The following CCDC97 variants were observed in gnomAD, a reference collection of about 807,000 sequenced individuals.
The protein encoded by CCDC97 is coiled-coil domain-containing protein 97.
In CCDC97, 27 loss-of-function variants were observed where a neutral mutation model predicts 33.9. The ratio of observed to expected loss-of-function variants is 0.80; its 90% CI spans 0.59 to 1.10. CCDC97 has a LOEUF of 1.10. Among genes scored for constraint, CCDC97 ranks in the 50% least tolerant of loss-of-function variants. The pLI, the probability that CCDC97 is intolerant of heterozygous loss-of-function variation, is 0.00. For missense variants in CCDC97, 422 were observed against 476.6 expected, an observed-to-expected ratio of 0.89 and a Z score of 1.07; for synonymous variants, 217 against 194.0, an observed-to-expected ratio of 1.12 and a Z score of -0.99.
chr19:41,317,195 T>A (rs189122271), intron 2 of CCDC97, among the ~76,000 whole-genome samples: 1 of 152,154 alleles, frequency 6.6e-6, no homozygotes, highest in African/African-American at 2.4e-5. Context: ...TACAGAGGCA[T>A]CAGGGGAAAC....
rs1175899750 is a variant in CCDC97, at chr19:41,322,964, T to A, written c.*249T>A. ...TTTCTTGGTGTCTGTCTGGGCTTCT[T>A]TCTGTCTCTTTCTGTCTTTCTGTCT... On this transcript the variant is annotated 3_prime_UTR_variant, in exon 5 of 5. Coordinates refer to ENST00000269967, the MANE Select transcript of CCDC97 (RefSeq NM_052848.3). 4 of 324,878 alleles carry A rather than the reference T, an allele frequency of 1.2e-5. No homozygotes were observed. The highest frequency in any genetic ancestry group is 2.3e-5 in the Non-Finnish European group (4 of 171,944). The allele number at this position is 324,878 out of a possible 1,614,324, so 20.1% of individuals were successfully genotyped here. A position where few individuals can be genotyped will look rare whatever the true frequency, so the allele number is the denominator to read the frequency against.
rs749828863 is a variant in CCDC97, at chr19:41,316,477, C to T, written c.140C>T (p.Thr47Ile). The change falls in exon 2 of 5, where the codon ACA becomes ATA. Residue 47 changes from threonine (T) to isoleucine (I), a missense_variant. Physicochemically the swap from Thr to Ile is moderately conservative, Grantham distance 89 (BLOSUM62 -1). Coordinates refer to ENST00000269967, the MANE Select transcript of CCDC97 (RefSeq NM_052848.3). ...GACAAAGTGGAAGCAGCTGAGGCAA[C>T]ACCAGTGGCCCTGGACAGTGACACC... The part of the protein sequence containing the change: ...PQDKVEAAEA[T>I]PVALDSDTSG... The T allele has an allele frequency of 6.2e-7, 1 of 1,614,256 alleles. No homozygotes were observed. Among genetic ancestry groups the T allele is most frequent in the African/African-American group, 1.3e-5 (1 of 75,078 alleles).
Position 41,322,842 on chromosome 19 carries a change from C to A in CCDC97, c.*127C>A. 9.1e-7 allele frequency: 1 copy of A among 1,096,692 alleles called. No homozygotes were observed. Among genetic ancestry groups the A allele is most frequent in the African/African-American group, 1.6e-5 (1 of 63,810 alleles). 67.9% of individuals were successfully genotyped at this position (1,096,692 alleles called of 1,614,324 possible). Reference sequence around the variant, plus strand: ...GTGCCCCACAACCCACACACACCACCATCTCACTGGGTCTAGTCTCATCTC... The same window carrying A: ...GTGCCCCACAACCCACACACACCACAATCTCACTGGGTCTAGTCTCATCTC... On this transcript the variant is annotated 3_prime_UTR_variant, in exon 5 of 5. Transcript: ENST00000269967.
At position 41,319,121 on chromosome 19, in the gene CCDC97, T is replaced by C. The variant is rs75994796; in HGVS notation, c.503-453T>C. The stretch of plus-strand genomic sequence containing the variant: ...CTTGTGCATCGTGCCTGGACACAGT[T>C]GTACACGAGCTCCAGACCGTCAGAG... On this transcript the variant is annotated intron_variant, in intron 2 of 4. Transcript: ENST00000269967. Among the ~76,000 whole-genome samples the C allele has an allele frequency of 3.6e-3, 554 of 152,242 alleles. 4 individuals are homozygous for C. Among genetic ancestry groups the C allele is most frequent in the African/African-American group, 0.013 (531 of 41,544 alleles).
chr19:41,318,055 G>A (rs2037771515), intron 2 of CCDC97, among the ~76,000 whole-genome samples: 1 of 151,448 alleles, frequency 6.6e-6, no homozygotes, highest in Non-Finnish European at 1.5e-5. Flanking sequence ...ACTGAAAAAA[G>A]CAGGAAAGAT....
At chr19:41,321,067 T>C (rs2037819805) in intron 4 of CCDC97, among the ~76,000 whole-genome samples, 1 of 152,238 alleles carries the variant, frequency 6.6e-6, no homozygotes, top group Non-Finnish European at 1.5e-5. Flanking sequence ...CAGAGGACCC[T>C]CCTTGGTTTC....
At chr19:41,318,854 GATCCCTT>G (rs2037780731) in intron 2 of CCDC97, among the ~76,000 whole-genome samples, 1 of 152,156 alleles carries the variant, frequency 6.6e-6, no homozygotes, top group Admixed American at 6.5e-5. Flanking sequence ...CACCTGACCT[GATCCCTT>G]GCACACACAT....
At chr19:41,319,904 CCTGT>C (rs2037801169) in intron 3 of CCDC97, 52 bp downstream of exon 3, 2 of 862,908 alleles carry the variant, frequency 2.3e-6, no homozygotes, top group South Asian at 1.6e-5. Context: ...CAGCCCTAGG[CCTGT>C]CTGTCTCCAC....
In CCDC97 at chr19:41,316,767, A is replaced by G. The variant is rs775207442; in HGVS notation, c.430A>G (p.Thr144Ala). Reference protein sequence around the residue: ...FYCAEVARQGTARPRTLRTRL... With the variant: ...FYCAEVARQGAARPRTLRTRL... ...CTGTGCTGAGGTGGCCCGGCAGGGCACTGCCCGGCCCCGCACCCTGCGTAC... is the reference window on the plus strand; with the variant it reads ...CTGTGCTGAGGTGGCCCGGCAGGGCGCTGCCCGGCCCCGCACCCTGCGTAC... Residue 144 changes from threonine (T) to alanine (A), a missense_variant, in exon 2 of 5, where the codon ACT (threonine) becomes GCT (alanine). Coordinates refer to ENST00000269967, the MANE Select transcript of CCDC97 (RefSeq NM_052848.3). The G allele has an allele frequency of 1.2e-6, 2 of 1,612,644 alleles. No individual in the cohort carries two copies. The highest frequency in any genetic ancestry group is 4.5e-5 in the East Asian group (2 of 44,802).
chr19:41,318,389 T>C (rs1004392842), intron 2 of CCDC97, among the ~76,000 whole-genome samples: 1 of 151,384 alleles, frequency 6.6e-6, no homozygotes, highest in Non-Finnish European at 1.5e-5. Flanking sequence ...GAGGCGGAGG[T>C]TGCAGTTAGA....
intron 1 of CCDC97, among the ~76,000 whole-genome samples, chr19:41,311,980 C>G (rs1404281475): frequency 6.6e-6 from 1 of 152,254 alleles, no homozygotes; most frequent in Non-Finnish European, 1.5e-5. Context: ...ATTTCCTCGT[C>G]TCCTGCTCAC....
At position 41,319,647 on chromosome 19, in the gene CCDC97, T is replaced by A. The variant is rs762522272; in HGVS notation, c.576T>A (p.Tyr192Ter). 2 of 1,614,010 alleles carry A rather than the reference T, an allele frequency of 1.2e-6. No individual in the cohort carries two copies. The highest frequency in any genetic ancestry group is 1.7e-6 in the Non-Finnish European group (2 of 1,179,942). The stretch of plus-strand genomic sequence containing the variant: ...TATATGAGCAGTACATCGGGCAGTA[T>A]CTCACCCAGGAGGAGCTCAGTGCCC... ...PLLYEQYIGQ[Y>*]LTQEELSART... Residue 192 changes from tyrosine (Y) to a stop codon, truncating the protein, a stop_gained, in exon 3 of 5, where the codon TAT becomes TAA. Coordinates refer to ENST00000269967, the MANE Select transcript of CCDC97 (RefSeq NM_052848.3). LOFTEE classifies it high-confidence loss of function.
At chr19:41,319,526 T>C (rs1259969505) in intron 2 of CCDC97, 48 bp from the exon 3 acceptor site, 4 of 1,358,948 alleles carry the variant, frequency 2.9e-6, no homozygotes, top group East Asian at 2.3e-5. Flanking sequence ...ATGGACACTA[T>C]CTGCTCAGTC....
chr19:41,313,321 C>G (rs999721339), intron 1 of CCDC97, among the ~76,000 whole-genome samples: 6 of 152,154 alleles, frequency 3.9e-5, no homozygotes, highest in African/African-American at 1.4e-4. Flanking sequence ...CATTTCTCTC[C>G]TGAGGAGTCT....
At chr19:41,321,697 C>T (rs2037826314) in intron 4 of CCDC97, among the ~76,000 whole-genome samples, 1 of 152,170 alleles carries the variant, frequency 6.6e-6, no homozygotes, top group Non-Finnish European at 1.5e-5. Context: ...CAAAGGCCTG[C>T]AGGAAGTGGG....
chr19:41,319,991 CTG>C (rs1383989724), intron 3 of CCDC97, 139 bp downstream of exon 3: 18 of 606,704 alleles, frequency 3.0e-5, no homozygotes, highest in African/African-American at 2.8e-4. Context: ...GCCTGACTCT[CTG>C]TGTATGCCCT....
At chr19:41,316,884 G>C in intron 2 of CCDC97, 45 bp downstream of exon 2, 2 of 1,424,224 alleles carry the variant, frequency 1.4e-6, no homozygotes, top group Non-Finnish European at 1.9e-6. Flanking sequence ...TGGGGAGGGA[G>C]GGGAGACTGA....
At chr19:41,310,408 T>C (rs1180325265) in intron 1 of CCDC97, 52 bp downstream of exon 1, 3 of 1,567,512 alleles carry the variant, frequency 1.9e-6, no homozygotes, top group Admixed American at 3.7e-5. Context: ...GCGGTGTCTC[T>C]AGGAAATGAT....
intron 1 of CCDC97, chr19:41,310,837 C>T (rs1599870427): frequency 1.0e-6 from 1 of 989,138 alleles, no homozygotes; most frequent in Non-Finnish European, 1.2e-6. Context: ...ACTCCCGTTT[C>T]CCCCAAAGTC....
Sources: gnomAD v4.1 joint callset for allele counts (sites outside exome capture counted in the v4.1 genomes callset) on GRCh38, gnomAD v4.1.1 for gene constraint, MANE v1.5 for transcripts, NCBI Gene and HGNC (gene_info 2026-07-23, HGNC 2026-07-21) for gene names.